Variants in ADRM1 observed in about 807,000 individuals in gnomAD.
ADRM1 encodes the protein proteasomal ubiquitin receptor ADRM1.
In ADRM1, 2 loss-of-function variants were observed where a neutral mutation model predicts 40.1. The observed-to-expected ratio is 0.05, with a 90% confidence interval of 0.02 to 0.16. The LOEUF (loss-of-function observed/expected upper bound fraction) is 0.16. ADRM1 is among the 10% of genes least tolerant of loss of function. ADRM1 has a pLI of 1.00. For missense variants in ADRM1, 467 were observed against 552.5 expected (o/e 0.85, Z 1.55); for synonymous variants, 287 against 240.4 (o/e 1.19, Z -1.79).
At chr20:62,304,237 C>T (rs1442932994) in intron 2 of ADRM1, 1 of 558,764 alleles carries the variant, frequency 1.8e-6, no homozygotes, top group African/African-American at 1.9e-5. Context: ...CCGTTGCCAT[C>T]TGAAAGGCCC....
intron 2 of ADRM1, chr20:62,304,088 T>C (rs560342064): frequency 3.9e-6 from 2 of 507,606 alleles, no homozygotes; most frequent in South Asian, 2.3e-5. Context: ...CTGGAGAGCC[T>C]GGAGCTCTGT....
In ADRM1 at chr20:62,306,751, G is replaced by C. The variant is rs769204846; in HGVS notation, c.541+17G>C. The stretch of plus-strand genomic sequence containing the variant: ...GAGGACTGGGTAACGTGCGCCACCC[G>C]GGCTCTCGGGCAGCTTCTGCTGGGA... On this transcript the variant is annotated intron_variant, in intron 5 of 9. Transcript: ENST00000253003. 15 of 1,584,322 alleles carry C rather than the reference G, an allele frequency of 9.5e-6. No homozygotes were observed. Among genetic ancestry groups the C allele is most frequent in the Non-Finnish European group, 1.2e-5 (14 of 1,163,702 alleles).
intron 9 of ADRM1, 78 bp from the exon 10 acceptor site, chr20:62,308,577 C>G: frequency 6.3e-7 from 1 of 1,576,912 alleles, no homozygotes; most frequent in South Asian, 1.1e-5. Context: ...CACAGCCCTT[C>G]TGCCCTTGAT....
At chr20:62,306,496 G>A in intron 4 of ADRM1, 152 bp from the exon 5 acceptor site, 1 of 1,289,910 alleles carries the variant, frequency 7.8e-7, no homozygotes, top group South Asian at 1.3e-5. Flanking sequence ...GGGTAGGACG[G>A]GTCTGCATCC....
In ADRM1 at chr20:62,308,847, T is replaced by C; in HGVS notation, c.*86T>C. 6.5e-7 allele frequency: 1 copy of C among 1,529,360 alleles called. No individual in the cohort carries two copies. 94.7% of individuals were successfully genotyped at this position (1,529,360 alleles called of 1,614,324 possible). ...ACCCACTGATTATTAATAAAGTCTT[T>C]TCTTTTACCTGCCAATGCTTAGTTT... On this transcript the variant is annotated 3_prime_UTR_variant, in exon 10 of 10. Transcript: ENST00000253003.
At chr20:62,305,439 C>T (rs956865190) in intron 3 of ADRM1, 1 of 152,262 alleles carries the variant, frequency 6.6e-6, no homozygotes. Context: ...AGCCAAACTC[C>T]AGTTAAACTT....
chr20:62,303,853 G>A, intron 2 of ADRM1, 72 bp downstream of exon 2: 1 of 1,499,878 alleles, frequency 6.7e-7, no homozygotes. Context: ...TTTGGAGTTC[G>A]CGGTGGGGGC....
chr20:62,305,931 T>TTTGTGAAATG, intron 3 of ADRM1: 1 of 450,242 alleles, frequency 2.2e-6, no homozygotes, highest in Non-Finnish European at 4.1e-6. Context: ...AGCTCTAGGC[T>TTTGTGAAATG]CCCCATTTGT....
chr20:62,304,264 C>T (rs565605412), intron 2 of ADRM1, 197 bp from the exon 3 acceptor site: 1 of 579,102 alleles, frequency 1.7e-6, no homozygotes, highest in East Asian at 2.9e-5. Flanking sequence ...CTGCTCTCTC[C>T]CCCGGCCTTG....
chr20:62,304,671 A>G (rs1601231196), intron 3 of ADRM1, 94 bp downstream of exon 3: 1 of 1,286,290 alleles, frequency 7.8e-7, no homozygotes, highest in East Asian at 2.4e-5. Flanking sequence ...TTTATAAACC[A>G]GCAGGCGCCG....
chr20:62,304,497 C>G lies in ADRM1; in HGVS notation c.250C>G (p.Arg84Gly). ...CTTCCCTGACGACTGTGAGTTCAAG[C>G]GGGTGCCGCAGTGCCCCAGCGGGAG... ...IIFPDDCEFK[R>G]VPQCPSGRVY... is the part of the protein sequence containing the mutation. Residue 84 changes from arginine (R) to glycine (G), a missense_variant, in exon 3 of 10, where the codon CGG becomes GGG. Physicochemically the swap from Arg to Gly is moderately radical, Grantham distance 125. Around this residue, in one of 3 missense-constraint regions of ADRM1, gnomAD observed 418 missense variants for 474.6 expected, o/e 0.88. Coordinates refer to ENST00000253003, the MANE Select transcript of ADRM1 (RefSeq NM_007002.4). 6.2e-7 allele frequency: 1 copy of G among 1,613,880 alleles called. No individual in the cohort carries two copies. Among genetic ancestry groups the G allele is most frequent in the East Asian group, 2.2e-5 (1 of 44,878 alleles).
Position 62,306,376 on chromosome 20 carries a change from T to G in ADRM1, c.454+56T>G, listed in dbSNP as rs1203034178. 1 of 1,610,966 alleles carries G rather than the reference T, an allele frequency of 6.2e-7. No individual in the cohort carries two copies. The highest frequency in any genetic ancestry group is 8.5e-7 in the Non-Finnish European group (1 of 1,179,304). Reference sequence around the variant, plus strand: ...GGTTTCCTGGGAGGCCAGAGTCTACTGTGGATGACTCGCCCCCTCAGCACA... The same window carrying G: ...GGTTTCCTGGGAGGCCAGAGTCTACGGTGGATGACTCGCCCCCTCAGCACA... On this transcript the variant is annotated intron_variant, in intron 4 of 9. Coordinates refer to ENST00000253003, the MANE Select transcript of ADRM1 (RefSeq NM_007002.4).
chr20:62,307,706 C>T lies in ADRM1; in HGVS notation c.734C>T (p.Ala245Val), dbSNP rs200789814. ...AAASATSPSPAPSSGNGASTA... is the reference protein window; with the variant it reads ...AAASATSPSPVPSSGNGASTA... ...GCCTCAGCAACTAGCCCGAGCCCCGCGCCCAGTTCCGGGAATGGAGCCAGC... is the reference window on the plus strand; with the variant it reads ...GCCTCAGCAACTAGCCCGAGCCCCGTGCCCAGTTCCGGGAATGGAGCCAGC... The change falls in exon 7 of 10, where the codon GCG (alanine) becomes GTG (valine). Residue 245 changes from alanine to valine, a missense_variant. Physicochemically the swap from Ala to Val is moderately conservative, Grantham distance 64 (BLOSUM62 0). This residue lies in a region of ADRM1 where 418 missense variants were observed against 474.6 expected (regional missense o/e 0.88). Coordinates refer to ENST00000253003, the MANE Select transcript of ADRM1 (RefSeq NM_007002.4). 1.6e-4 allele frequency: 261 copies of T among 1,612,140 alleles called. No homozygotes were observed. In the African/African-American group the frequency reaches 2.3e-3, roughly 14 times the overall value.
chr20:62,303,621 C>A lies in ADRM1; in HGVS notation c.53C>A (p.Ala18Asp). The A allele has an allele frequency of 6.2e-7, 1 of 1,607,544 alleles. No individual in the cohort carries two copies. Among genetic ancestry groups the A allele is most frequent in the Non-Finnish European group, 8.5e-7 (1 of 1,178,226 alleles). ...AGCCTGGTGCCAGGCTCTCGGGGCGCCTCCAACAAGTACTTGGTGGAGTTT... is the reference window on the plus strand; with the variant it reads ...AGCCTGGTGCCAGGCTCTCGGGGCGACTCCAACAAGTACTTGGTGGAGTTT... ...FPSLVPGSRGASNKYLVEFRA... is the reference protein window; with the variant it reads ...FPSLVPGSRGDSNKYLVEFRA... Residue 18 changes from alanine (A) to aspartate (D), a missense_variant, in exon 2 of 10, where the codon GCC becomes GAC. Coordinates refer to ENST00000253003, the MANE Select transcript of ADRM1 (RefSeq NM_007002.4).
chr20:62,303,823 C>CG (rs1233549908), intron 2 of ADRM1, 42 bp downstream of exon 2: 4 of 1,587,100 alleles, frequency 2.5e-6, no homozygotes, highest in Non-Finnish European at 3.4e-6. Context: ...GGCGACTTCT[C>CG]GGGCCCTCGG....
Position 62,306,713 on chromosome 20 carries a change from C to A in ADRM1, c.520C>A (p.Pro174Thr), listed in dbSNP as rs1208533507. Residue 174 changes from proline to threonine, a missense_variant, in exon 5 of 10, where the codon CCA becomes ACA. Physicochemically the swap from Pro to Thr is conservative, Grantham distance 38 (BLOSUM62 -1). Transcript: ENST00000253003. ...CAGCCAGCTCATGCAGCTCATCGGA[C>A]CAGCCGGCCTTGGAGGACTGGGTAA... is the stretch of plus-strand genomic sequence containing the variant. Reference protein sequence around the residue: ...SHSQLMQLIGPAGLGGLGGLG... With the variant: ...SHSQLMQLIGTAGLGGLGGLG... The A allele has an allele frequency of 6.2e-7, 1 of 1,609,218 alleles. No individual in the cohort carries two copies. Among genetic ancestry groups the A allele is most frequent in the Non-Finnish European group, 8.5e-7 (1 of 1,178,074 alleles).
Position 62,308,714 on chromosome 20 carries a change from G to C in ADRM1, c.1177G>C (p.Asp393His). 1 of 1,607,810 alleles carries C rather than the reference G, an allele frequency of 6.2e-7. No homozygotes were observed. Among genetic ancestry groups the C allele is most frequent in the African/African-American group, 1.3e-5 (1 of 74,552 alleles). The change falls in exon 10 of 10, where the codon GAC becomes CAC. Residue 393 changes from aspartate (D) to histidine (H), a missense_variant. By Grantham distance (81) the Asp-to-His change is moderately conservative (BLOSUM62 -1). Around this residue, in one of 3 missense-constraint regions of ADRM1, gnomAD observed 418 missense variants for 474.6 expected, o/e 0.88. Transcript: ENST00000253003. ...NNAKPEQKEGDTKDKKDEEED... is the reference protein window; with the variant it reads ...NNAKPEQKEGHTKDKKDEEED... ...CGCCAAGCCCGAGCAGAAAGAGGGC[G>C]ACACGAAGGACAAGAAGGACGAAGA...
At chr20:62,307,930 G>A (rs1985370622) in intron 7 of ADRM1, 91 bp from the exon 8 acceptor site, 7 of 1,549,516 alleles carry the variant, frequency 4.5e-6, no homozygotes, top group Non-Finnish European at 6.1e-6. Context: ...CGCCTGGGGT[G>A]CTGGGGCCAT....
chr20:62,304,625 G>C (rs1420006368), intron 3 of ADRM1, 48 bp downstream of exon 3: 3 of 1,569,868 alleles, frequency 1.9e-6, no homozygotes, highest in African/African-American at 1.4e-5. Flanking sequence ...CCTGCGATTC[G>C]GTTAGGAACT....
Sources: allele counts gnomAD v4.1 joint callset, GRCh38; gene constraint gnomAD v4.1.1; regional missense constraint gnomAD v4.1.1; transcripts MANE v1.5; gene names NCBI Gene and HGNC (gene_info 2026-07-23, HGNC 2026-07-21).